The following NRCAM variants were observed in gnomAD, a reference collection of about 807,000 sequenced individuals.
The protein encoded by NRCAM is neuronal cell adhesion molecule.
NRCAM carries 83 observed loss-of-function variants against 156.5 expected under a neutral mutation model. That is an observed-to-expected ratio of 0.53 (90% CI 0.44 to 0.64). The LOEUF (loss-of-function observed/expected upper bound fraction) is 0.64, where lower values mean the gene tolerates loss of function less well. Ranked by LOEUF, NRCAM falls within the 30% of genes least tolerant of loss-of-function variation. NRCAM has a pLI of 0.00. For missense variants in NRCAM, 1,417 were observed against 1,597.3 expected, an observed-to-expected ratio of 0.89 and a Z score of 1.92; for synonymous variants, 538 against 563.9, an observed-to-expected ratio of 0.95 and a Z score of 0.65.
chr7:108,182,437 G>C (rs950874925), intron 23 of NRCAM, among the ~76,000 whole-genome samples: 1 of 152,198 alleles, frequency 6.6e-6, no homozygotes, highest in Admixed American at 6.5e-5. Flanking sequence ...TGTGGGACTT[G>C]AGTATTTGCA....
At chr7:108,424,023 G>A (rs959002661) in intron 1 of NRCAM, among the ~76,000 whole-genome samples, 1 of 152,178 alleles carries the variant, frequency 6.6e-6, no homozygotes, top group South Asian at 2.1e-4. Flanking sequence ...CAAAAGGAAA[G>A]CACATATTCC....
chr7:108,293,761 T>C lies in NRCAM; in HGVS notation c.-107+18904A>G, dbSNP rs76038820. Among the ~76,000 whole-genome samples the C allele has an allele frequency of 9.5e-3, 1,444 of 152,336 alleles. 28 individuals are homozygous for C. The highest frequency in any genetic ancestry group is 0.033 in the African/African-American group (1,371 of 41,576). On this transcript the variant is annotated intron_variant, in intron 3 of 32. Coordinates refer to ENST00000379028, the MANE Select transcript of NRCAM (RefSeq NM_001037132.4). The stretch of plus-strand genomic sequence containing the variant: ...AAACTCTGCAAGATATTATTATTAT[T>C]CTTCTCTTTTTACAAATGAGAGATT...
chr7:108,239,969 T>C lies in NRCAM; in HGVS notation c.96A>G (p.Val32=). The part of the protein sequence containing the change: ...FLCQMISALE[V]PLDPKLLEDL... The stretch of plus-strand genomic sequence containing the variant: ...AACGTTAATACTTACGATCAAGAGG[T>C]ACTTCCAGTGCACTAATCATCTGGC... Residue 32 remains valine (V), a synonymous_variant, in exon 4 of 33, where the codon GTA becomes GTG. Transcript: ENST00000379028. 6.2e-7 allele frequency: 1 copy of C among 1,606,530 alleles called. No homozygotes were observed. Among genetic ancestry groups the C allele is most frequent in the Non-Finnish European group, 8.5e-7 (1 of 1,174,010 alleles).
Position 108,177,999 on chromosome 7 carries a change from A to C in NRCAM, c.2965T>G (p.Tyr989Asp), listed in dbSNP as rs934283263. Residue 989 changes from tyrosine to aspartate, a missense_variant, in exon 26 of 33, where the codon TAT becomes GAT. Transcript: ENST00000379028. ...CCTCCCAACAGCTTACTTGGCTGAT[A>C]CTTTAAGGTGTACTCTGTCAAAATG... Reference protein sequence around the residue: ...NGILTEYTLKYQPINSTHELG... With the variant: ...NGILTEYTLKDQPINSTHELG... 1 of 1,609,148 alleles carries C rather than the reference A, an allele frequency of 6.2e-7. No individual in the cohort carries two copies. Among genetic ancestry groups the C allele is most frequent in the Non-Finnish European group, 8.5e-7 (1 of 1,177,424 alleles).
intron 25 of NRCAM, chr7:108,178,485 C>T: frequency 8.9e-6 from 3 of 338,610 alleles, no homozygotes; most frequent in Non-Finnish European, 1.7e-5. Context: ...GTGGAAGCAG[C>T]TGTGTTCTGG....
intron 2 of NRCAM, among the ~76,000 whole-genome samples, chr7:108,378,104 G>T (rs1365378487): frequency 1.3e-5 from 2 of 152,066 alleles, no homozygotes; most frequent in African/African-American, 4.8e-5. Context: ...TGAATTACAT[G>T]AAAAAGACAT....
At chr7:108,348,191 T>G (rs1305643054) in intron 2 of NRCAM, among the ~76,000 whole-genome samples, 1 of 152,138 alleles carries the variant, frequency 6.6e-6, no homozygotes. Flanking sequence ...AAAAGATAGA[T>G]TTAAGATGTG....
intron 2 of NRCAM, among the ~76,000 whole-genome samples, chr7:108,391,312 C>A (rs2099759106): frequency 6.6e-6 from 1 of 152,114 alleles, no homozygotes; most frequent in Non-Finnish European, 1.5e-5. Flanking sequence ...GAATTGATCC[C>A]TTTACCATTA....
At chr7:108,271,580 C>G (rs569941489) in intron 3 of NRCAM, among the ~76,000 whole-genome samples, 7 of 152,060 alleles carry the variant, frequency 4.6e-5, no homozygotes, top group Admixed American at 4.6e-4. Flanking sequence ...GTAATCCCAA[C>G]TACTTGGGAG....
intron 11 of NRCAM, among the ~76,000 whole-genome samples, chr7:108,216,351 C>T (rs1429399272): frequency 2.0e-5 from 3 of 152,100 alleles, no homozygotes; most frequent in Non-Finnish European, 4.4e-5. Context: ...AACATTTTTT[C>T]CTTCATTGCA....
At chr7:108,355,673 C>A (rs2099489530) in intron 2 of NRCAM, among the ~76,000 whole-genome samples, 1 of 152,148 alleles carries the variant, frequency 6.6e-6, no homozygotes, top group Admixed American at 6.5e-5. Context: ...ATGAGTCTTC[C>A]CTTTGTCCAC....
At chr7:108,363,992 C>A (rs1448350294) in intron 2 of NRCAM, among the ~76,000 whole-genome samples, 1 of 151,948 alleles carries the variant, frequency 6.6e-6, no homozygotes, top group African/African-American at 2.4e-5. Context: ...TAGTAAAAAT[C>A]TAAGGAAATA....
intron 11 of NRCAM, among the ~76,000 whole-genome samples, chr7:108,221,916 T>A (rs1412156713): frequency 2.1e-5 from 3 of 139,704 alleles, no homozygotes; most frequent in Non-Finnish European, 4.6e-5. Context: ...CATGGAACCA[T>A]GAGAAATAAT....
intron 2 of NRCAM, among the ~76,000 whole-genome samples, chr7:108,318,431 G>C (rs2098958085): frequency 6.6e-6 from 1 of 152,114 alleles, no homozygotes; most frequent in African/African-American, 2.4e-5. Flanking sequence ...GTGAAATAAT[G>C]TCTCTAGGAT....
At chr7:108,304,439 C>T (rs1011152761) in intron 3 of NRCAM, among the ~76,000 whole-genome samples, 20 of 150,736 alleles carry the variant, frequency 1.3e-4, no homozygotes, top group African/African-American at 4.9e-4. Flanking sequence ...TCAATTTATA[C>T]ATATACATCT....
chr7:108,319,338 T>C (rs1418432120), intron 2 of NRCAM, among the ~76,000 whole-genome samples: 1 of 152,326 alleles, frequency 6.6e-6, no homozygotes, highest in South Asian at 2.1e-4. Flanking sequence ...CCAACTACTA[T>C]GGCTCAGGCA....
At chr7:108,320,759 C>T (rs1412318741) in intron 2 of NRCAM, among the ~76,000 whole-genome samples, 1 of 152,158 alleles carries the variant, frequency 6.6e-6, no homozygotes. Flanking sequence ...AACATTTCTT[C>T]CCTTAAAATA....
intron 3 of NRCAM, among the ~76,000 whole-genome samples, chr7:108,288,108 A>C (rs1489015668): frequency 6.6e-6 from 1 of 152,158 alleles, no homozygotes; most frequent in Non-Finnish European, 1.5e-5. Flanking sequence ...TGAACTAGAG[A>C]CCATTATCCT....
chr7:108,361,593 A>C (rs541585192), intron 2 of NRCAM, among the ~76,000 whole-genome samples: 12 of 152,152 alleles, frequency 7.9e-5, no homozygotes, highest in African/African-American at 2.9e-4. Context: ...CTGGGTCTCT[A>C]GTTTGCCAGC....
Sources: gnomAD v4.1 joint callset for allele counts (sites outside exome capture counted in the v4.1 genomes callset) on GRCh38, gnomAD v4.1.1 for gene constraint, MANE v1.5 for transcripts, NCBI Gene and HGNC (gene_info 2026-07-23, HGNC 2026-07-21) for gene names.